The following ZNF704 variants were observed in gnomAD, a reference collection of about 807,000 sequenced individuals.
ZNF704 encodes glucocorticoid induced gene 1.
ZNF704 carries 10 observed loss-of-function variants against 44.7 expected under a neutral mutation model. The ratio of observed to expected loss-of-function variants is 0.22; its 90% CI spans 0.14 to 0.38. The LOEUF (loss-of-function observed/expected upper bound fraction) is 0.38, where lower values mean the gene tolerates loss of function less well. Ranked by LOEUF, ZNF704 falls within the 10% of genes least tolerant of loss-of-function variation. The pLI is 1.00. For missense variants in ZNF704, 390 were observed against 545.5 expected (o/e 0.71, Z 2.84); for synonymous variants, 211 against 207.6 (o/e 1.02, Z -0.14).
intron 2 of ZNF704, among the ~76,000 whole-genome samples, chr8:80,715,614 C>T (rs928071593): frequency 2.6e-5 from 4 of 152,178 alleles, no homozygotes; most frequent in Non-Finnish European, 5.9e-5. Context: ...TGGTCTGATC[C>T]TGCATGTCTC....
chr8:80,770,490 A>C (rs1325222407), intron 2 of ZNF704, among the ~76,000 whole-genome samples: 1 of 151,872 alleles, frequency 6.6e-6, no homozygotes, highest in Non-Finnish European at 1.5e-5. Flanking sequence ...CTGTGTGCTT[A>C]TTTGCTATAT....
At position 80,639,674 on chromosome 8, in the gene ZNF704, G is replaced by A. The variant is rs1165810758; in HGVS notation, c.*1692C>T. 2 of 152,462 alleles carry A rather than the reference G, an allele frequency of 1.3e-5. No individual in the cohort carries two copies. The highest frequency in any genetic ancestry group is 2.9e-5 in the Non-Finnish European group (2 of 68,014). 9.4% of individuals were successfully genotyped at this position (152,462 alleles called of 1,614,324 possible). ...ATAATATGTGAATGCACAGATTGTG[G>A]ATGTTGCACTGTAGAACCTCCTTAT... On this transcript the variant is annotated 3_prime_UTR_variant, in exon 9 of 9. Coordinates refer to ENST00000327835, the MANE Select transcript of ZNF704 (RefSeq NM_001033723.3).
chr8:80,756,335 T>C (rs1191502876), intron 2 of ZNF704, among the ~76,000 whole-genome samples: 1 of 152,244 alleles, frequency 6.6e-6, no homozygotes, highest in African/African-American at 2.4e-5. Flanking sequence ...ACTCATTCAT[T>C]ACTGATTATG....
chr8:80,657,693 GA>G (rs796181687), intron 7 of ZNF704, among the ~76,000 whole-genome samples: 16,771 of 78,238 alleles, frequency 0.21, 1,483 homozygotes, highest in African/African-American at 0.35. Flanking sequence ...CCTGTTTCAA[GA>G]AAAAAAAAAA....
chr8:80,789,381 T>C (rs1008722785), intron 2 of ZNF704, among the ~76,000 whole-genome samples: 7 of 152,178 alleles, frequency 4.6e-5, no homozygotes, highest in African/African-American at 1.7e-4. Context: ...ACATAACTTA[T>C]ATGAGGTATT....
intron 1 of ZNF704, among the ~76,000 whole-genome samples, chr8:80,856,107 G>A (rs374480678): frequency 5.8e-4 from 89 of 152,264 alleles, no homozygotes; most frequent in South Asian, 1.0e-3. Context: ...ATAGGCACAT[G>A]CTGCTGTGCT....
intron 3 of ZNF704, among the ~76,000 whole-genome samples, chr8:80,692,035 G>A (rs1367111614): frequency 6.7e-6 from 1 of 150,238 alleles, no homozygotes; most frequent in East Asian, 2.0e-4. Flanking sequence ...TTTTTCCTTT[G>A]GCTGATAAAC....
intron 2 of ZNF704, among the ~76,000 whole-genome samples, chr8:80,725,046 G>A (rs961850491): frequency 1.3e-5 from 2 of 152,154 alleles, no homozygotes; most frequent in African/African-American, 4.8e-5. Flanking sequence ...CTTCACCAAA[G>A]TGCAAATGCT....
intron 2 of ZNF704, among the ~76,000 whole-genome samples, chr8:80,713,588 A>C (rs994170194): frequency 3.3e-5 from 5 of 152,228 alleles, no homozygotes; most frequent in East Asian, 1.9e-4. Flanking sequence ...AGTATTCATG[A>C]ATAAGACAAG....
chr8:80,689,065 CT>C (rs1250068110), intron 3 of ZNF704, among the ~76,000 whole-genome samples: 13 of 148,512 alleles, frequency 8.8e-5, no homozygotes, highest in African/African-American at 3.2e-4. Context: ...ATAAATTTTA[CT>C]TTTTTTTGGA....
Position 80,793,272 on chromosome 8 carries a change from G to A in ZNF704, c.221+28102C>T, listed in dbSNP as rs192362330. 2.8e-4 allele frequency among the ~76,000 whole-genome samples: 42 copies of A among 152,274 alleles called. No individual in the cohort carries two copies. In the East Asian group the frequency reaches 7.1e-3, roughly 26 times the overall value. On this transcript the variant is annotated intron_variant, in intron 2 of 8. Transcript: ENST00000327835. ...CATGGGAACACGGGAGAAAAAGTGC[G>A]TGTGGAGAAGATGATACATGTTATC...
At chr8:80,678,313 T>C (rs1818401768) in intron 4 of ZNF704, among the ~76,000 whole-genome samples, 1 of 152,200 alleles carries the variant, frequency 6.6e-6, no homozygotes, top group African/African-American at 2.4e-5. Flanking sequence ...CAAAACAAAG[T>C]TCTGCTTTCT....
chr8:80,655,030 T>C (rs902391235), intron 7 of ZNF704, among the ~76,000 whole-genome samples: 5 of 152,216 alleles, frequency 3.3e-5, no homozygotes, highest in Admixed American at 1.3e-4. Context: ...GATGAGTTCA[T>C]GTCCTTTGTA....
At chr8:80,878,479 T>C (rs1809388354), upstream of ZNF704, among the ~76,000 whole-genome samples, 1 of 152,204 alleles carries the variant, frequency 6.6e-6, no homozygotes, top group Non-Finnish European at 1.5e-5. Flanking sequence ...GAAACTTTAA[T>C]AGTTGGATTT....
At chr8:80,771,132 T>C (rs1317960643) in intron 2 of ZNF704, among the ~76,000 whole-genome samples, 2 of 152,332 alleles carry the variant, frequency 1.3e-5, no homozygotes, top group East Asian at 3.9e-4. Context: ...TATATAAGTC[T>C]TGAAATTTAT....
At chr8:80,849,396 C>T (rs921253146) in intron 1 of ZNF704, among the ~76,000 whole-genome samples, 6 of 152,282 alleles carry the variant, frequency 3.9e-5, no homozygotes, top group African/African-American at 4.8e-5. Flanking sequence ...ACCCTCCTCA[C>T]GGCAAGCACA....
intron 7 of ZNF704, among the ~76,000 whole-genome samples, chr8:80,657,009 C>T (rs1036946918): frequency 7.9e-5 from 12 of 152,202 alleles, no homozygotes; most frequent in South Asian, 4.1e-4. Context: ...TAAGAATTCA[C>T]GTTTTTAAAT....
At chr8:80,743,318 A>C (rs1429499884) in intron 2 of ZNF704, among the ~76,000 whole-genome samples, 2 of 152,194 alleles carry the variant, frequency 1.3e-5, no homozygotes, top group Non-Finnish European at 2.9e-5. Flanking sequence ...TATTCATCAC[A>C]ACAATATGAG....
At chr8:80,817,343 C>G (rs973511618) in intron 2 of ZNF704, among the ~76,000 whole-genome samples, 14 of 152,344 alleles carry the variant, frequency 9.2e-5, no homozygotes, top group Admixed American at 9.1e-4. Context: ...GGCCACAGCT[C>G]CCACATGCTG....
Sources: allele counts gnomAD v4.1 joint callset (sites outside exome capture counted in the v4.1 genomes callset), GRCh38; gene constraint gnomAD v4.1.1; transcripts MANE v1.5; gene names NCBI Gene and HGNC (gene_info 2026-07-23, HGNC 2026-07-21).